CEP63: variants seen among roughly 807,000 people sequenced by gnomAD.
CEP63 encodes the protein centrosomal protein 63, also known as centrosomal protein of 63 kDa.
CEP63 carries 84 observed loss-of-function variants against 89.1 expected under a neutral mutation model. That is an observed-to-expected ratio of 0.94 (90% CI 0.79 to 1.13). CEP63 has a LOEUF of 1.13. CEP63 is among the 50% of genes most tolerant of loss of function. CEP63 has a pLI of 0.00. For synonymous variants in CEP63, 267 were observed against 272.5 expected, an observed-to-expected ratio of 0.98 and a Z score of 0.20; for missense variants, 838 against 813.3, an observed-to-expected ratio of 1.03 and a Z score of -0.37.
the CEP63 span, among the ~76,000 whole-genome samples, chr3:134,702,491 A>T: frequency 1.8e-4 from 28 of 152,282 alleles, no homozygotes; most frequent in African/African-American, 6.5e-4. Flanking sequence ...GGGCTACAGT[A>T]ATCAAAACAA....
chr3:134,491,181 C>T (rs999449766), intron 1 of CEP63, among the ~76,000 whole-genome samples: 21 of 152,150 alleles, frequency 1.4e-4, no homozygotes, highest in African/African-American at 4.8e-4. Context: ...ATTTTGCATT[C>T]CTACCTATTA....
chr3:134,532,318 CAAGT>C (rs566447499), intron 4 of CEP63, among the ~76,000 whole-genome samples: 1 of 152,100 alleles, frequency 6.6e-6, no homozygotes, highest in Non-Finnish European at 1.5e-5. Context: ...ATAAATAAGA[CAAGT>C]AAGAAAATTC....
At chr3:134,557,404 T>TTTTTTTTTTTTA (rs1560042339) in intron 12 of CEP63, among the ~76,000 whole-genome samples, 1 of 130,232 alleles carries the variant, frequency 7.7e-6, no homozygotes, top group African/African-American at 2.7e-5. Context: ...TTTTTTTTTT[T>TTTTTTTTTTTTA]ACAGAAAAGA....
the CEP63 span, chr3:134,604,096 A>G: frequency 6.2e-7 from 1 of 1,612,960 alleles, no homozygotes; most frequent in Middle Eastern, 1.7e-4. Flanking sequence ...CAGGACATTA[A>G]TGCCCTCCTC....
At chr3:134,494,092 A>ATATTTATT (rs56200311) in intron 1 of CEP63, among the ~76,000 whole-genome samples, 4,131 of 143,548 alleles carry the variant, frequency 0.029, 81 homozygotes, top group Non-Finnish European at 0.039. Context: ...CCTTTATTTT[A>ATATTTATT]TATTTATTTA....
Position 134,545,502 on chromosome 3 carries a change from G to T in CEP63, c.556-84G>T, listed in dbSNP as rs948894532. The T allele has an allele frequency of 1.7e-5, 17 of 981,040 alleles. No individual in the cohort carries two copies. The African/African-American group carries it at 2.4e-4, about 14-fold the overall frequency. 60.8% of individuals were successfully genotyped at this position (981,040 alleles called of 1,614,324 possible). On this transcript the variant is annotated intron_variant, in intron 6 of 14. Coordinates refer to ENST00000675561, the MANE Select transcript of CEP63 (RefSeq NM_001353108.3). Reference sequence around the variant, plus strand: ...TGAGCCAATGCTTTATGTTTTTATGGAAATAATAGTTTCATTTTAGTCTTA... The same window carrying T: ...TGAGCCAATGCTTTATGTTTTTATGTAAATAATAGTTTCATTTTAGTCTTA...
Position 134,506,376 on chromosome 3 carries a change from A to G in CEP63, c.45-733A>G, listed in dbSNP as rs572140787. 1.4e-4 allele frequency among the ~76,000 whole-genome samples: 22 copies of G among 152,348 alleles called. No homozygotes were observed. The South Asian group carries it at 1.7e-3, about 11-fold the overall frequency. ...TTGTATTATCACTTTCCTGCATGAT[A>G]GTCTGCTTTCTTCCAAGGCTTTTTC... On this transcript the variant is annotated intron_variant, in intron 2 of 14. Coordinates refer to ENST00000675561, the MANE Select transcript of CEP63 (RefSeq NM_001353108.3).
the CEP63 span, among the ~76,000 whole-genome samples, chr3:134,665,985 C>A: frequency 6.6e-6 from 1 of 151,696 alleles, no homozygotes; most frequent in Admixed American, 6.6e-5. Context: ...GAGAGAACAA[C>A]AGAAACAGAA....
intron 10 of CEP63, among the ~76,000 whole-genome samples, chr3:134,586,078 G>A (rs995506414): frequency 6.6e-6 from 1 of 151,606 alleles, no homozygotes; most frequent in African/African-American, 2.4e-5. Flanking sequence ...TTTATTTTGA[G>A]CCTATGTGTG....
the CEP63 span, among the ~76,000 whole-genome samples, chr3:134,781,840 T>C: frequency 4.6e-5 from 7 of 152,238 alleles, no homozygotes; most frequent in South Asian, 2.1e-4. Flanking sequence ...TGTGGCCTAA[T>C]GTAGCTTTCT....
chr3:134,532,156 T>C (rs1301812969), intron 4 of CEP63, among the ~76,000 whole-genome samples: 1 of 152,262 alleles, frequency 6.6e-6, no homozygotes, highest in Non-Finnish European at 1.5e-5. Flanking sequence ...TGCTAAAATA[T>C]GTTTCTTGGT....
downstream of CEP63, among the ~76,000 whole-genome samples, chr3:134,566,887 ACCATATTACCC>A (rs1957784999): frequency 6.6e-6 from 1 of 152,350 alleles, no homozygotes; most frequent in African/African-American, 2.4e-5. Context: ...AAAAAGAGTT[ACCATATTACCC>A]AGCAATACCA....
chr3:134,583,063 T>A (rs1401291054), intron 10 of CEP63, among the ~76,000 whole-genome samples: 2 of 152,238 alleles, frequency 1.3e-5, no homozygotes, highest in Non-Finnish European at 2.9e-5. Context: ...AAGTTCTTTG[T>A]AGATTCTGGA....
intron 2 of CEP63, among the ~76,000 whole-genome samples, chr3:134,501,151 C>T (rs4974493): frequency 0.67 from 101,427 of 151,950 alleles, 34,228 homozygotes; most frequent in East Asian, 0.82. Flanking sequence ...TCATTGTAAG[C>T]GTGTAGCTTT....
downstream of CEP63, among the ~76,000 whole-genome samples, chr3:134,576,997 GT>G (rs1226080445): frequency 6.6e-6 from 1 of 152,096 alleles, no homozygotes; most frequent in Non-Finnish European, 1.5e-5. Context: ...AAACAGTAAA[GT>G]TTGTAACCTC....
At chr3:134,670,984 A>C in the CEP63 span, among the ~76,000 whole-genome samples, 1 of 152,220 alleles carries the variant, frequency 6.6e-6, no homozygotes, top group African/African-American at 2.4e-5. Flanking sequence ...TATTGTCTAC[A>C]GATACATACA....
chr3:134,515,498 T>C (rs1370540257), intron 3 of CEP63, among the ~76,000 whole-genome samples: 1 of 152,212 alleles, frequency 6.6e-6, no homozygotes, highest in Non-Finnish European at 1.5e-5. Flanking sequence ...AGAAAGATGG[T>C]ATAACTATAT....
the CEP63 span, chr3:134,607,475 G>A: frequency 4.1e-5 from 40 of 985,592 alleles, no homozygotes; most frequent in Admixed American, 1.2e-4. Context: ...TGTCCTGGGC[G>A]GATGGAGGCC....
the CEP63 span, among the ~76,000 whole-genome samples, chr3:134,672,800 C>T: frequency 6.6e-6 from 1 of 152,226 alleles, no homozygotes; most frequent in Admixed American, 6.5e-5. Flanking sequence ...GGCCCCTTGC[C>T]CCAGCCCAAG....
Sources: allele counts gnomAD v4.1 joint callset (sites outside exome capture counted in the v4.1 genomes callset), GRCh38; gene constraint gnomAD v4.1.1; transcripts MANE v1.5; gene names NCBI Gene and HGNC (gene_info 2026-07-23, HGNC 2026-07-21).